Variants in SOS2 observed in about 807,000 individuals in gnomAD.
The protein encoded by SOS2 is son of sevenless homolog 2.
In SOS2, 65 loss-of-function variants were observed where a neutral mutation model predicts 148.2. The ratio of observed to expected loss-of-function variants is 0.44; its 90% CI spans 0.36 to 0.54. The LOEUF is 0.54. Ranked by LOEUF, SOS2 falls within the 20% of genes least tolerant of loss-of-function variation. The pLI is 0.00. For synonymous variants in SOS2, 539 were observed against 537.1 expected (o/e 1.00, Z -0.05); for missense variants, 1,341 against 1,590.2 (o/e 0.84, Z 2.67).
intron 17 of SOS2, 102 bp downstream of exon 17, chr14:50,139,840 G>C (rs1884211584): frequency 1.8e-6 from 1 of 563,692 alleles, no homozygotes. Flanking sequence ...AATAAAAGTA[G>C]ATGAGCTCAG....
At chr14:50,197,413 T>C (rs1253888837) in intron 4 of SOS2, among the ~76,000 whole-genome samples, 2 of 152,134 alleles carry the variant, frequency 1.3e-5, no homozygotes, top group Non-Finnish European at 2.9e-5. Context: ...CTGTGTGCCA[T>C]CTGAGAAAAT....
At chr14:50,220,450 C>T (rs981391851) in intron 1 of SOS2, among the ~76,000 whole-genome samples, 4 of 135,556 alleles carry the variant, frequency 3.0e-5, no homozygotes, top group Admixed American at 1.5e-4. Flanking sequence ...AGAAAGCACT[C>T]AGTAAATACT....
At chr14:50,224,749 A>C (rs552087839) in intron 1 of SOS2, among the ~76,000 whole-genome samples, 17 of 151,724 alleles carry the variant, frequency 1.1e-4, no homozygotes, top group Middle Eastern at 3.4e-3. Flanking sequence ...AGCTGGGTGT[A>C]GTGGCACATG....
chr14:50,195,352 G>A lies in SOS2; in HGVS notation c.510+4339C>T, dbSNP rs192886283. Among the ~76,000 whole-genome samples, 28 of 152,202 alleles carry A rather than the reference G, an allele frequency of 1.8e-4. No individual in the cohort carries two copies. In the East Asian group the frequency reaches 5.2e-3, roughly 28 times the overall value. ...CACAGTTTTAGAAATCAGTCTAAAA[G>A]CAATATAACAAGGGGATCTGAAAAT... On this transcript the variant is annotated intron_variant, in intron 4 of 22. Transcript: ENST00000216373.
At chr14:50,138,252 G>C (rs1236798494) in intron 18 of SOS2, among the ~76,000 whole-genome samples, 1 of 151,852 alleles carries the variant, frequency 6.6e-6, no homozygotes, top group African/African-American at 2.4e-5. Context: ...CCCCTCCTAG[G>C]CTCAAGTGAT....
intron 10 of SOS2, 102 bp from the exon 11 acceptor site, chr14:50,158,748 T>G: frequency 1.4e-6 from 1 of 719,282 alleles, no homozygotes; most frequent in Non-Finnish European, 2.4e-6. Flanking sequence ...TCTTTTTACT[T>G]TGGCTCCTCA....
intron 1 of SOS2, among the ~76,000 whole-genome samples, chr14:50,220,409 A>AAAAAAAAAAAAAAC (rs1887169971): frequency 6.8e-6 from 1 of 146,224 alleles, no homozygotes; most frequent in Non-Finnish European, 1.5e-5. Context: ...CCATCTCAAA[A>AAAAAAAAAAAAAAC]AAAAAAAAAA....
At chr14:50,150,791 C>T (rs753515473) in intron 13 of SOS2, among the ~76,000 whole-genome samples, 23 of 151,966 alleles carry the variant, frequency 1.5e-4, no homozygotes, top group Non-Finnish European at 2.8e-4. Flanking sequence ...GGCGTGATCT[C>T]GGCTCACTGC....
intron 8 of SOS2, among the ~76,000 whole-genome samples, chr14:50,170,325 G>C (rs1885319750): frequency 6.6e-6 from 1 of 151,588 alleles, no homozygotes; most frequent in South Asian, 2.1e-4. Context: ...CTTCATGCAA[G>C]AAGGAAAAGA....
chr14:50,224,852 C>T (rs1242752744), intron 1 of SOS2, among the ~76,000 whole-genome samples: 1 of 123,744 alleles, frequency 8.1e-6, no homozygotes, highest in Non-Finnish European at 1.6e-5. Context: ...TGCCACTGTA[C>T]TCCAGCCTGC....
chr14:50,153,290 C>G, intron 12 of SOS2, 117 bp from the exon 13 acceptor site: 2 of 564,238 alleles, frequency 3.5e-6, no homozygotes, highest in South Asian at 5.5e-5. Flanking sequence ...TACTCAAAGA[C>G]TCTCTAATCT....
chr14:50,153,295 T>C, intron 12 of SOS2, 122 bp from the exon 13 acceptor site: 1 of 545,252 alleles, frequency 1.8e-6, no homozygotes, highest in Non-Finnish European at 3.4e-6. Flanking sequence ...AAAGACTCTC[T>C]AATCTGTATT....
intron 14 of SOS2, among the ~76,000 whole-genome samples, chr14:50,146,630 G>C (rs1055543310): frequency 1.3e-5 from 2 of 152,124 alleles, no homozygotes; most frequent in African/African-American, 4.8e-5. Flanking sequence ...CTGGGCAACA[G>C]AGTGAGACTC....
intron 4 of SOS2, among the ~76,000 whole-genome samples, chr14:50,192,832 C>T (rs907129824): frequency 6.6e-6 from 1 of 152,056 alleles, no homozygotes; most frequent in African/African-American, 2.4e-5. Flanking sequence ...CCATTATACT[C>T]CAGCCTGGTT....
intron 13 of SOS2, among the ~76,000 whole-genome samples, chr14:50,152,149 G>C (rs1884679010): frequency 6.6e-6 from 1 of 152,090 alleles, no homozygotes; most frequent in African/African-American, 2.4e-5. Context: ...TCCCCTTAAA[G>C]AACAAGTAGA....
intron 1 of SOS2, among the ~76,000 whole-genome samples, chr14:50,228,782 T>C (rs1887456325): frequency 1.3e-5 from 2 of 152,266 alleles, no homozygotes; most frequent in South Asian, 2.1e-4. Flanking sequence ...TTGGTTTAGA[T>C]GGTATACATC....
At chr14:50,138,848 T>C in intron 17 of SOS2, 64 bp from the exon 18 acceptor site, 1 of 644,018 alleles carries the variant, frequency 1.6e-6, no homozygotes, top group Non-Finnish European at 2.5e-6. Context: ...TAATCAATTA[T>C]TTGGGAAAAC....
rs750028573 is a variant in SOS2 at position 50,120,298 on chromosome 14, C to A, written c.3466G>T (p.Asp1156Tyr). ...ACCTTGGAATTTGAAGCATCATGAT[C>A]AAACTTTTTTCGAGGAGGAAGAGGA... ...PPPLPPRKKF[D>Y]HDASNSKGNM... is the part of the protein sequence containing the mutation. Residue 1156 changes from aspartate to tyrosine, a missense_variant, in exon 22 of 23, where the codon GAT (aspartate) becomes TAT (tyrosine). Around this residue, in one of 4 missense-constraint regions of SOS2, gnomAD observed 354 missense variants for 347.7 expected, o/e 1.02. Coordinates refer to ENST00000216373, the MANE Select transcript of SOS2 (RefSeq NM_006939.4). The A allele has an allele frequency of 2.5e-6, 4 of 1,597,138 alleles. No homozygotes were observed. The highest frequency in any genetic ancestry group is 8.6e-7 in the Non-Finnish European group (1 of 1,166,250).
intron 8 of SOS2, among the ~76,000 whole-genome samples, chr14:50,162,442 A>C (rs1391342019): frequency 6.6e-6 from 1 of 152,182 alleles, no homozygotes; most frequent in East Asian, 1.9e-4. Flanking sequence ...CACATTTTCC[A>C]AACATATTTA....
Sources: allele counts gnomAD v4.1 joint callset (sites outside exome capture counted in the v4.1 genomes callset), GRCh38; gene constraint gnomAD v4.1.1; regional missense constraint gnomAD v4.1.1; transcripts MANE v1.5; gene names NCBI Gene and HGNC (gene_info 2026-07-23, HGNC 2026-07-21).